Variants in FAT4 observed in about 807,000 individuals in gnomAD.
FAT4 encodes FAT atypical cadherin 4.
A neutral mutation model predicts 303.9 loss-of-function variants in FAT4; 84 were observed. The ratio of observed to expected loss-of-function variants is 0.28; its 90% CI spans 0.23 to 0.33. The LOEUF is 0.33. FAT4 is among the 10% of genes least tolerant of loss of function. The pLI is 1.00. For synonymous variants in FAT4, 2,307 were observed against 2,298.8 expected (o/e 1.00, Z -0.10); for missense variants, 6,005 against 6,146.8 (o/e 0.98, Z 0.77).
At chr4:125,436,000 G>A (rs543186163) in intron 8 of FAT4, among the ~76,000 whole-genome samples, 1 of 147,588 alleles carries the variant, frequency 6.8e-6, no homozygotes, top group Non-Finnish European at 1.5e-5. Flanking sequence ...GAAATTGGAT[G>A]TGAGACAGGA....
At chr4:125,453,967 TG>T (rs1457455265) in intron 10 of FAT4, among the ~76,000 whole-genome samples, 1 of 152,210 alleles carries the variant, frequency 6.6e-6, no homozygotes, top group African/African-American at 2.4e-5. Context: ...AGTTAATCAG[TG>T]GTTGATGTTC....
chr4:125,327,037 A>T (rs574307225), intron 2 of FAT4, among the ~76,000 whole-genome samples: 2 of 152,182 alleles, frequency 1.3e-5, no homozygotes, highest in East Asian at 3.9e-4. Flanking sequence ...AAAAAAATTC[A>T]TAAGTATTTT....
chr4:125,355,505 C>T (rs1435981937), intron 2 of FAT4, among the ~76,000 whole-genome samples: 1 of 151,946 alleles, frequency 6.6e-6, no homozygotes, highest in East Asian at 1.9e-4. Flanking sequence ...GCTCTTTTTA[C>T]TAGCTTTGTG....
intron 2 of FAT4, among the ~76,000 whole-genome samples, chr4:125,324,174 A>C (rs141556868): frequency 6.6e-6 from 1 of 152,322 alleles, no homozygotes; most frequent in African/African-American, 2.4e-5. Context: ...TGTTCTCAGA[A>C]GAGCTTAGAT....
At chr4:125,430,183 CAG>C (rs774945776) in intron 7 of FAT4, among the ~76,000 whole-genome samples, 17 of 148,870 alleles carry the variant, frequency 1.1e-4, no homozygotes, top group Non-Finnish European at 2.2e-4. Context: ...AGCAAACACA[CAG>C]ACACAGAAAA....
At chr4:125,488,162 C>T (rs7686537) in intron 17 of FAT4, among the ~76,000 whole-genome samples, 56,956 of 151,988 alleles carry the variant, frequency 0.37, 10,759 homozygotes, top group Middle Eastern at 0.45. Context: ...TGAAAGTGTA[C>T]GAAAGGTTAA....
intron 2 of FAT4, among the ~76,000 whole-genome samples, chr4:125,369,042 A>G (rs1247675746): frequency 6.6e-6 from 1 of 152,224 alleles, no homozygotes; most frequent in Non-Finnish European, 1.5e-5. Flanking sequence ...CATATTATAT[A>G]GCTTGAATTG....
At chr4:125,335,202 G>C (rs927806316) in intron 2 of FAT4, among the ~76,000 whole-genome samples, 18 of 152,024 alleles carry the variant, frequency 1.2e-4, no homozygotes, top group Admixed American at 5.9e-4. Context: ...CTATTATTGT[G>C]TTTTCTTCTC....
chr4:125,387,901 A>G (rs1017834855), intron 2 of FAT4, among the ~76,000 whole-genome samples: 2 of 152,214 alleles, frequency 1.3e-5, no homozygotes, highest in Non-Finnish European at 2.9e-5. Context: ...ATAATGTTGC[A>G]TAATAAAGAG....
intron 12 of FAT4, among the ~76,000 whole-genome samples, chr4:125,473,475 A>G (rs1726928743): frequency 1.3e-5 from 2 of 152,120 alleles, no homozygotes; most frequent in Non-Finnish European, 1.5e-5. Context: ...AATCAATTCT[A>G]GTATTCCTGA....
chr4:125,438,937 T>G (rs1725551595), intron 8 of FAT4, among the ~76,000 whole-genome samples: 1 of 152,166 alleles, frequency 6.6e-6, no homozygotes, highest in Admixed American at 6.5e-5. Context: ...GCATAAACTT[T>G]TATGTGTCTT....
chr4:125,332,575 C>G (rs1317963122), intron 2 of FAT4, among the ~76,000 whole-genome samples: 1 of 151,994 alleles, frequency 6.6e-6, no homozygotes, highest in Non-Finnish European at 1.5e-5. Context: ...CAGAGAGAAG[C>G]CTTATCTCTG....
rs1730571734 is a variant in FAT4 at position 125,316,110 on chromosome 4, A to G, written c.-13+133A>G. On this transcript the variant is annotated intron_variant, in intron 1 of 17. Transcript: ENST00000394329. The surrounding 1 kb of genome is among the most constrained non-coding windows in gnomAD (Gnocchi z 5.7). ...TATCTGGATTCAAAAACAAAGTAAAAGGGGGCATATATAAGAGGCTTGAGA... is the reference window on the plus strand; with the variant it reads ...TATCTGGATTCAAAAACAAAGTAAAGGGGGGCATATATAAGAGGCTTGAGA... Among the ~76,000 whole-genome samples the G allele has an allele frequency of 6.6e-6, 1 of 152,146 alleles. No individual in the cohort carries two copies. The highest frequency in any genetic ancestry group is 1.5e-5 in the Non-Finnish European group (1 of 68,026).
At chr4:125,406,306 T>C (rs1578605974) in intron 3 of FAT4, among the ~76,000 whole-genome samples, 1 of 152,186 alleles carries the variant, frequency 6.6e-6, no homozygotes, top group Non-Finnish European at 1.5e-5. Context: ...CAATTGACTA[T>C]CATGCATGGA....
In FAT4 at chr4:125,446,462, A is replaced by T. The variant is rs763808275; in HGVS notation, c.7369A>T (p.Thr2457Ser). The change falls in exon 9 of 18, where the codon ACT becomes TCT. Residue 2457 changes from threonine to serine, a missense_variant. By Grantham distance (58) the Thr-to-Ser change is moderately conservative (BLOSUM62 1). Transcript: ENST00000394329. ...PLSSSTSVLVTVTDVNDNPPR... is the reference protein window; with the variant it reads ...PLSSSTSVLVSVTDVNDNPPR... ...TTCCAGTTCCACCAGTGTGCTTGTC[A>T]CTGTGACTGATGTCAATGACAATCC... is the stretch of plus-strand genomic sequence containing the variant. The T allele has an allele frequency of 6.2e-7, 1 of 1,613,548 alleles. No individual in the cohort carries two copies. The highest frequency in any genetic ancestry group is 8.5e-7 in the Non-Finnish European group (1 of 1,179,568).
intron 2 of FAT4, among the ~76,000 whole-genome samples, chr4:125,360,974 T>A (rs981342709): frequency 6.8e-6 from 1 of 147,496 alleles, no homozygotes; most frequent in Non-Finnish European, 1.5e-5. Context: ...TTTTTATTAT[T>A]ATTTATTTTA....
chr4:125,441,907 C>A (rs1176455309), intron 8 of FAT4, among the ~76,000 whole-genome samples: 1 of 152,178 alleles, frequency 6.6e-6, no homozygotes. Flanking sequence ...TTGACCAGGG[C>A]TTGGCAAACT....
intron 2 of FAT4, among the ~76,000 whole-genome samples, chr4:125,381,281 C>T (rs1425128155): frequency 2.0e-5 from 3 of 152,128 alleles, no homozygotes; most frequent in Non-Finnish European, 1.5e-5. Context: ...CTTTTCTAAG[C>T]CCATAGGCTG....
intron 8 of FAT4, among the ~76,000 whole-genome samples, chr4:125,440,606 T>A (rs370887098): frequency 0.017 from 518 of 29,606 alleles, 2 homozygotes; most frequent in East Asian, 0.079. Context: ...TGTGTGTGTG[T>A]GTGTGAGAGA....
Sources: allele counts gnomAD v4.1 joint callset (sites outside exome capture counted in the v4.1 genomes callset), GRCh38; gene constraint gnomAD v4.1.1; non-coding constraint Gnocchi (gnomAD v3.1); transcripts MANE v1.5; gene names NCBI Gene and HGNC (gene_info 2026-07-23, HGNC 2026-07-21).